Variants in BCAM observed in about 807,000 individuals in gnomAD.
BCAM encodes basal cell adhesion molecule (Lutheran blood group).
A neutral mutation model predicts 72.4 loss-of-function variants in BCAM; 61 were observed. That is an observed-to-expected ratio of 0.84 (90% CI 0.69 to 1.04). The LOEUF is 1.04. Among genes scored for constraint, BCAM ranks in the 50% least tolerant of loss-of-function variants. The pLI is 0.00. For missense variants in BCAM, 909 were observed against 895.0 expected, an observed-to-expected ratio of 1.02 and a Z score of -0.20; for synonymous variants, 408 against 384.2, an observed-to-expected ratio of 1.06 and a Z score of -0.73.
At position 44,813,383 on chromosome 19, in the gene BCAM, G is replaced by A. The variant is rs1246796160; in HGVS notation, c.601+37G>A. 74 of 1,609,802 alleles carry A rather than the reference G, an allele frequency of 4.6e-5. No homozygotes were observed. The highest frequency in any genetic ancestry group is 6.3e-5 in the Non-Finnish European group (74 of 1,177,784). Reference sequence around the variant, plus strand: ...AGGAGCGCGGCGGGACGTGGGCTGGGGTGGGTGGCGGGGCTATGGCCTGGC... The same window carrying A: ...AGGAGCGCGGCGGGACGTGGGCTGGAGTGGGTGGCGGGGCTATGGCCTGGC... On this transcript the variant is annotated intron_variant, in intron 5 of 14. Coordinates refer to ENST00000270233, the MANE Select transcript of BCAM (RefSeq NM_005581.5). This position sits in a 1 kb window ranked among gnomAD's most constrained non-coding sequence, Gnocchi z 4.2.
At chr19:44,810,224 C>T (rs1247361009) in intron 1 of BCAM, among the ~76,000 whole-genome samples, 4 of 152,118 alleles carry the variant, frequency 2.6e-5, no homozygotes, top group Admixed American at 2.6e-4. Context: ...AGGCCCCAGC[C>T]TCCTCTTCCC....
Position 44,819,411 on chromosome 19 carries a change from C to A in BCAM, c.1539C>A (p.Ser513Arg). The A allele has an allele frequency of 6.2e-7, 1 of 1,614,080 alleles. No individual in the cohort carries two copies. Among genetic ancestry groups the A allele is most frequent in the Non-Finnish European group, 8.5e-7 (1 of 1,179,958 alleles). ...VSSSLTLKVT[S>R]ALSRDGISCE... ...GCTCTCTGACCCTGAAAGTGACCAG[C>A]GCCCTGAGCCGCGATGGCATCTCCT... Residue 513 changes from serine to arginine, a missense_variant, in exon 12 of 15, where the codon AGC (serine) becomes AGA (arginine). Coordinates refer to ENST00000270233, the MANE Select transcript of BCAM (RefSeq NM_005581.5).
Position 44,819,521 on chromosome 19 carries a change from G to A in BCAM, c.1618+31G>A, listed in dbSNP as rs761823454. ...TGACTGAGGTGGTGGCAGAGGAGCC[G>A]GGTGTGGGGCAGACAGAGCCCACTG... On this transcript the variant is annotated intron_variant, in intron 12 of 14. Transcript: ENST00000270233. 27 of 1,613,532 alleles carry A rather than the reference G, an allele frequency of 1.7e-5. No homozygotes were observed. The highest frequency in any genetic ancestry group is 1.2e-4 in the South Asian group (11 of 91,082).
intron 1 of BCAM, among the ~76,000 whole-genome samples, chr19:44,810,548 G>T (rs1770676796): frequency 6.6e-6 from 1 of 152,162 alleles, no homozygotes; most frequent in South Asian, 2.1e-4. Context: ...ACTGAGTGGT[G>T]CAGGTGCAGA....
chr19:44,811,228 C>T lies in BCAM; in HGVS notation c.86C>T (p.Ala29Val). The T allele has an allele frequency of 3.1e-6, 5 of 1,612,016 alleles. No homozygotes were observed. The highest frequency in any genetic ancestry group is 4.2e-6 in the Non-Finnish European group (5 of 1,179,834). ...TAGCTCAGTTGCTCTCTTGCAGATG[C>T]CCAGGCGGAGGTGCGCTTGTCTGTA... is the stretch of plus-strand genomic sequence containing the variant. ...LAVLLAAHPD[A>V]QAEVRLSVPP... The change falls in exon 2 of 15, where the codon GCC (alanine) becomes GTC (valine). Residue 29 changes from alanine (A) to valine (V), a missense_variant. By Grantham distance (64) the Ala-to-Val change is moderately conservative. Transcript: ENST00000270233.
At position 44,812,558 on chromosome 19, in the gene BCAM, G is replaced by T. The variant is rs779126630; in HGVS notation, c.504+10G>T. 6 of 1,613,998 alleles carry T rather than the reference G, an allele frequency of 3.7e-6. No individual in the cohort carries two copies. The East Asian group carries it at 1.1e-4, about 30-fold the overall frequency. ...GGACTCTGCCCAGGAGGTACCTCTC[G>T]GGTGGACCTTGGCCCCAGGGTCCTG... is the stretch of plus-strand genomic sequence containing the variant. On this transcript the variant is annotated intron_variant, in intron 4 of 14. Transcript: ENST00000270233. This position sits in a 1 kb window ranked among gnomAD's most constrained non-coding sequence, Gnocchi z 5.3.
Position 44,811,467 on chromosome 19 carries a change from G to C in BCAM, c.204+121G>C, listed in dbSNP as rs565814314. On this transcript the variant is annotated intron_variant, in intron 2 of 14. Coordinates refer to ENST00000270233, the MANE Select transcript of BCAM (RefSeq NM_005581.5). ...AAGCCACACTCCTTGTTACAGATGG[G>C]GTCACTGAGTCCCACTGAGGGGAAG... is the stretch of plus-strand genomic sequence containing the variant. 18 of 1,514,264 alleles carry C rather than the reference G, an allele frequency of 1.2e-5. No homozygotes were observed. In the Admixed American group the frequency reaches 2.6e-4, roughly 22 times the overall value. 93.8% of individuals were successfully genotyped at this position (1,514,264 alleles called of 1,614,324 possible). A position where few individuals can be genotyped will look rare whatever the true frequency, so the allele number is the denominator to read the frequency against.
chr19:44,820,868 G>C, intron 14 of BCAM, 46 bp downstream of exon 14: 1 of 1,547,498 alleles, frequency 6.5e-7, no homozygotes, highest in Non-Finnish European at 8.7e-7. Context: ...CTGCTGGGCA[G>C]TGGAGCACGC....
At position 44,811,304 on chromosome 19, in the gene BCAM, C is replaced by T; in HGVS notation, c.162C>T (p.Thr54=). The change falls in exon 2 of 15, where the codon ACC becomes ACT. Residue 54 remains threonine, a synonymous_variant. Coordinates refer to ENST00000270233, the MANE Select transcript of BCAM (RefSeq NM_005581.5). Reference sequence around the variant, plus strand: ...GAAAGTCTGTCATTCTGGACTGCACCCCTACGGGAACCCACGACCATTATA... The same window carrying T: ...GAAAGTCTGTCATTCTGGACTGCACTCCTACGGGAACCCACGACCATTATA... The part of the protein sequence containing the change: ...MRGKSVILDC[T]PTGTHDHYML... 1 of 1,613,516 alleles carries T rather than the reference C, an allele frequency of 6.2e-7. No homozygotes were observed. The highest frequency in any genetic ancestry group is 8.5e-7 in the Non-Finnish European group (1 of 1,179,842).
chr19:44,812,197 C>T lies in BCAM; in HGVS notation c.239C>T (p.Ser80Leu), dbSNP rs141849539. ...TCGGGAGCTCGCCCCCGCCTAGCCT[C>T]GGCTGAGATGCAGGGCTCTGAGCTC... is the stretch of plus-strand genomic sequence containing the variant. ...DRSGARPRLASAEMQGSELQV... is the reference protein window; with the variant it reads ...DRSGARPRLALAEMQGSELQV... Residue 80 changes from serine (S) to leucine (L), a missense_variant, in exon 3 of 15, where the codon TCG (serine) becomes TTG (leucine). Transcript: ENST00000270233. This position sits in a 1 kb window ranked among gnomAD's most constrained non-coding sequence, Gnocchi z 5.3. 195 of 1,604,772 alleles carry T rather than the reference C, an allele frequency of 1.2e-4. No individual in the cohort carries two copies. The highest frequency in any genetic ancestry group is 1.6e-4 in the Non-Finnish European group (188 of 1,177,902).
At position 44,814,520 on chromosome 19, in the gene BCAM, A is replaced by G; in HGVS notation, c.922-84A>G. On this transcript the variant is annotated intron_variant, in intron 7 of 14. Transcript: ENST00000270233. The surrounding 1 kb of genome is among the most constrained non-coding windows in gnomAD (Gnocchi z 4.6). The stretch of plus-strand genomic sequence containing the variant: ...ACCCCTGATTCTGGCTTAGCATGAC[A>G]CTAACCTGGTGGCTTCTGACCTAGC... The G allele has an allele frequency of 6.5e-7, 1 of 1,543,522 alleles. No individual in the cohort carries two copies. Among genetic ancestry groups the G allele is most frequent in the Non-Finnish European group, 8.8e-7 (1 of 1,139,548 alleles).
Position 44,814,902 on chromosome 19 carries a change from T to C in BCAM, c.1078+142T>C. 1 of 1,066,498 alleles carries C rather than the reference T, an allele frequency of 9.4e-7. No homozygotes were observed. The highest frequency in any genetic ancestry group is 1.2e-6 in the Non-Finnish European group (1 of 811,128). The allele number at this position is 1,066,498 out of a possible 1,614,324, so 66.1% of individuals were successfully genotyped here. ...TTCTCTGCATTTCTTGGGGGTTTTT[T>C]TGGTTGTTTTTTTTTTTTTTTTTTT... On this transcript the variant is annotated intron_variant, in intron 8 of 14. Coordinates refer to ENST00000270233, the MANE Select transcript of BCAM (RefSeq NM_005581.5). The surrounding 1 kb of genome is among the most constrained non-coding windows in gnomAD (Gnocchi z 4.6).
In BCAM at chr19:44,809,278, G is replaced by T. The variant is rs2081921305; in HGVS notation, c.82+72G>T. The stretch of plus-strand genomic sequence containing the variant: ...GGGACCCCGGGAAAGCGAGGAGAAA[G>T]GGCTTTACCCTGACCCCAGGAAGCA... On this transcript the variant is annotated intron_variant, in intron 1 of 14. Transcript: ENST00000270233. 5.4e-6 allele frequency: 7 copies of T among 1,299,714 alleles called. No homozygotes were observed. The South Asian group carries it at 9.2e-5, about 17-fold the overall frequency. 80.5% of individuals were successfully genotyped at this position (1,299,714 alleles called of 1,614,324 possible).
chr19:44,814,042 C>G lies in BCAM; in HGVS notation c.785-110C>G, dbSNP rs1968467843. 2.2e-6 allele frequency: 3 copies of G among 1,361,666 alleles called. No individual in the cohort carries two copies. Among genetic ancestry groups the G allele is most frequent in the Non-Finnish European group, 3.0e-6 (3 of 1,016,338 alleles). The allele number at this position is 1,361,666 out of a possible 1,614,324, so 84.3% of individuals were successfully genotyped here. On this transcript the variant is annotated intron_variant, in intron 6 of 14. Transcript: ENST00000270233. This position sits in a 1 kb window ranked among gnomAD's most constrained non-coding sequence, Gnocchi z 4.6. ...GAGGCTTGAAACCTATGACCCGTAA[C>G]CTTTGACCCGCCATAGCCCTCACCT...
Position 44,813,376 on chromosome 19 carries a change from G to C in BCAM, c.601+30G>C, listed in dbSNP as rs540401236. The C allele has an allele frequency of 6.2e-7, 1 of 1,610,458 alleles. No homozygotes were observed. On this transcript the variant is annotated intron_variant, in intron 5 of 14. Transcript: ENST00000270233. This position sits in a 1 kb window ranked among gnomAD's most constrained non-coding sequence, Gnocchi z 4.2. ...GCAGCGCAGGAGCGCGGCGGGACGT[G>C]GGCTGGGGTGGGTGGCGGGGCTATG...
In BCAM at chr19:44,818,491, G is replaced by C; in HGVS notation, c.1079-31G>C. The C allele has an allele frequency of 6.3e-7, 1 of 1,597,652 alleles. No homozygotes were observed. Among genetic ancestry groups the C allele is most frequent in the Non-Finnish European group, 8.6e-7 (1 of 1,167,314 alleles). ...CCCCTAATTGAGTGGGTGGCGGTCTGGGACGAGTGACAGACTGTCCCCCAC... is the reference window on the plus strand; with the variant it reads ...CCCCTAATTGAGTGGGTGGCGGTCTCGGACGAGTGACAGACTGTCCCCCAC... On this transcript the variant is annotated intron_variant, in intron 8 of 14. Transcript: ENST00000270233. This position sits in a 1 kb window ranked among gnomAD's most constrained non-coding sequence, Gnocchi z 4.6.
At position 44,818,842 on chromosome 19, in the gene BCAM, G is replaced by A. The variant is rs757677631; in HGVS notation, c.1296G>A (p.Pro432=). The A allele has an allele frequency of 1.9e-5, 30 of 1,613,926 alleles. No individual in the cohort carries two copies. Among genetic ancestry groups the A allele is most frequent in the Middle Eastern group, 1.6e-4 (1 of 6,084 alleles). Residue 432 remains proline (P), a synonymous_variant, in exon 10 of 15, where the codon CCG becomes CCA. Coordinates refer to ENST00000270233, the MANE Select transcript of BCAM (RefSeq NM_005581.5). This position sits in a 1 kb window ranked among gnomAD's most constrained non-coding sequence, Gnocchi z 4.6. ...GTGAGGCCTCCCTGCCCACAGTCCC[G>A]GTCCTCAGCCGCACCCAGAACTTCA... ...YVCEASLPTV[P]VLSRTQNFTL...
intron 2 of BCAM, chr19:44,811,883 CAA>C: frequency 2.0e-6 from 1 of 491,124 alleles, no homozygotes; most frequent in Non-Finnish European, 3.6e-6. Flanking sequence ...GACTCTATCT[CAA>C]AAAAAAAGAG....
chr19:44,817,234 C>CA (rs998194006), intron 8 of BCAM, among the ~76,000 whole-genome samples: 18 of 150,458 alleles, frequency 1.2e-4, no homozygotes, highest in Middle Eastern at 3.4e-3. Context: ...CAAACTCTCT[C>CA]AAAAAAAAAT....
Sources: gnomAD v4.1 joint callset for allele counts (sites outside exome capture counted in the v4.1 genomes callset) on GRCh38, gnomAD v4.1.1 for gene constraint, Gnocchi (gnomAD v3.1) non-coding constraint, MANE v1.5 for transcripts, NCBI Gene and HGNC (gene_info 2026-07-23, HGNC 2026-07-21) for gene names.